Variants in CCDC171 observed in about 807,000 individuals in gnomAD.
CCDC171 encodes coiled-coil domain containing 171.
In CCDC171, 177 loss-of-function variants were observed where a neutral mutation model predicts 168.2. The ratio of observed to expected loss-of-function variants is 1.05; its 90% confidence interval spans 0.93 to 1.19. The LOEUF is 1.19. CCDC171 is among the 50% of genes most tolerant of loss of function. The pLI is 0.00. For missense variants in CCDC171, 1,991 were observed against 1,539.0 expected, an observed-to-expected ratio of 1.29 and a Z score of -4.91; for synonymous variants, 687 against 540.8, an observed-to-expected ratio of 1.27 and a Z score of -3.75.
intron 24 of CCDC171, among the ~76,000 whole-genome samples, chr9:15,897,326 C>T (rs1821039906): frequency 6.6e-6 from 1 of 151,838 alleles, no homozygotes; most frequent in Non-Finnish European, 1.5e-5. Flanking sequence ...AGATGATTTG[C>T]TATAATTTCT....
intron 18 of CCDC171, among the ~76,000 whole-genome samples, chr9:15,746,976 G>A (rs929712138): frequency 3.3e-5 from 5 of 152,204 alleles, no homozygotes; most frequent in Non-Finnish European, 7.4e-5. Flanking sequence ...CGGGTCCCAT[G>A]CCCACAGAGC....
chr9:15,819,315 A>G lies in CCDC171; in HGVS notation c.3268-27387A>G, dbSNP rs2059677296. On this transcript the variant is annotated intron_variant, in intron 21 of 25. Coordinates refer to ENST00000380701, the MANE Select transcript of CCDC171 (RefSeq NM_173550.4). ...GAGCAAAATAACCAGCTAACATCAT[A>G]ATGACAGGATCAGATTCACACATAA... is the stretch of plus-strand genomic sequence containing the variant. Among the ~76,000 whole-genome samples the G allele has an allele frequency of 1.7e-5, 2 of 117,564 alleles. 1 individual carries two copies. Among genetic ancestry groups the G allele is most frequent in the Non-Finnish European group, 3.8e-5 (2 of 52,416 alleles). The allele number at this position is 117,564 out of a possible 152,430, so 77.1% of individuals were successfully genotyped here. A position where few individuals can be genotyped will look rare whatever the true frequency, so the allele number is the denominator to read the frequency against.
At chr9:15,642,492 G>A (rs1172185818) in intron 7 of CCDC171, among the ~76,000 whole-genome samples, 1 of 151,068 alleles carries the variant, frequency 6.6e-6, no homozygotes, top group Non-Finnish European at 1.5e-5. Context: ...TCTCCTAGGT[G>A]GTATTGGAAA....
intron 24 of CCDC171, among the ~76,000 whole-genome samples, chr9:15,879,999 A>T (rs1818401885): frequency 6.6e-6 from 1 of 152,178 alleles, no homozygotes; most frequent in Admixed American, 6.6e-5. Flanking sequence ...TGATAATAGA[A>T]GAAAGTTTTT....
chr9:15,872,516 G>A lies in CCDC171; in HGVS notation c.3469-2016G>A, dbSNP rs142742685. Among the ~76,000 whole-genome samples, 319 of 151,948 alleles carry A rather than the reference G, an allele frequency of 2.1e-3. 2 individuals are homozygous for A. The highest frequency in any genetic ancestry group is 6.1e-3 in the African/African-American group (255 of 41,494). On this transcript the variant is annotated intron_variant, in intron 23 of 25. Transcript: ENST00000380701. Reference sequence around the variant, plus strand: ...TGGTTTTTTTCCCCTCTCTTTGCCCGTATTAGCAATCTGCTTTTGTACTTT... The same window carrying A: ...TGGTTTTTTTCCCCTCTCTTTGCCCATATTAGCAATCTGCTTTTGTACTTT...
intron 21 of CCDC171, chr9:15,845,711 C>G (rs998911652): frequency 6.6e-6 from 1 of 151,962 alleles, no homozygotes; most frequent in Admixed American, 6.6e-5. Context: ...TGTATGCACT[C>G]AATTATTTAG....
chr9:15,827,408 C>T (rs1218392307), intron 21 of CCDC171, among the ~76,000 whole-genome samples: 3 of 152,106 alleles, frequency 2.0e-5, no homozygotes, highest in Non-Finnish European at 4.4e-5. Flanking sequence ...TAGACCATTA[C>T]TCCTCTTTTC....
intron 21 of CCDC171, among the ~76,000 whole-genome samples, chr9:15,794,332 G>C (rs528031249): frequency 6.6e-6 from 1 of 152,142 alleles, no homozygotes; most frequent in African/African-American, 2.4e-5. Context: ...AGGCATGTTG[G>C]TGGGCACCTG....
chr9:15,752,464 C>T (rs908676549), intron 18 of CCDC171, among the ~76,000 whole-genome samples: 4 of 151,682 alleles, frequency 2.6e-5, no homozygotes, highest in South Asian at 4.2e-4. Flanking sequence ...ATGTTTATTG[C>T]GGCACCATAG....
chr9:16,056,208 A>G (rs1026271827), intron 1 of CCDC171, among the ~76,000 whole-genome samples: 1 of 152,172 alleles, frequency 6.6e-6, no homozygotes, highest in East Asian at 1.9e-4. Flanking sequence ...CCCTGATTTT[A>G]TATATTTTCC....
chr9:15,657,206 C>G lies in CCDC171; in HGVS notation c.902C>G (p.Ser301Cys), dbSNP rs945988387. 1.9e-6 allele frequency: 3 copies of G among 1,602,016 alleles called. No individual in the cohort carries two copies. The highest frequency in any genetic ancestry group is 2.7e-5 in the African/African-American group (2 of 74,670). ...RAAHLESKFNSEIIQLRIRDL... is the reference protein window; with the variant it reads ...RAAHLESKFNCEIIQLRIRDL... ...GCGCATTTGGAATCAAAATTTAATT[C>G]TGAAATTATTCAGGTAAAATGTAAA... The change falls in exon 8 of 26, where the codon TCT (serine) becomes TGT (cysteine). Residue 301 changes from serine to cysteine, a missense_variant. Coordinates refer to ENST00000380701, the MANE Select transcript of CCDC171 (RefSeq NM_173550.4).
Position 16,052,498 on chromosome 9 carries a change from C to T in CCDC171, n.90-8148C>T, listed in dbSNP as rs1833766062. Among the ~76,000 whole-genome samples the T allele has an allele frequency of 2.0e-5, 3 of 152,182 alleles. No homozygotes were observed. The South Asian group carries it at 6.2e-4, about 32-fold the overall frequency. Reference sequence around the variant, plus strand: ...CTTATGCCACACAAACTTCTCTTCACACTGGAAATGAGGAAACTGAGGCCT... The same window carrying T: ...CTTATGCCACACAAACTTCTCTTCATACTGGAAATGAGGAAACTGAGGCCT... On this transcript the variant is annotated intron_variant and non_coding_transcript_variant, in intron 1 of 1. Transcript: ENST00000478913.
the CCDC171 span, among the ~76,000 whole-genome samples, chr9:16,068,356 C>G: frequency 5.3e-4 from 80 of 152,190 alleles, no homozygotes; most frequent in African/African-American, 1.9e-3. Flanking sequence ...TAGGAAGAAT[C>G]AATATCGTGA....
At chr9:15,777,509 T>TA in intron 18 of CCDC171, 91 bp from the exon 19 acceptor site, 1 of 681,200 alleles carries the variant, frequency 1.5e-6, no homozygotes, top group Non-Finnish European at 2.4e-6. Flanking sequence ...ATTATATAAT[T>TA]AAAAAATATT....
chr9:15,955,035 TTGAATAGAATAATA>T (rs1829646539), intron 25 of CCDC171, among the ~76,000 whole-genome samples: 1 of 152,146 alleles, frequency 6.6e-6, no homozygotes, highest in Non-Finnish European at 1.5e-5. Context: ...AACTGAACAT[TTGAATAGAATAATA>T]TAGTAACTCT....
intron 11 of CCDC171, among the ~76,000 whole-genome samples, chr9:15,703,642 A>AT (rs1460189700): frequency 2.6e-5 from 4 of 152,342 alleles, no homozygotes; most frequent in Non-Finnish European, 4.4e-5. Context: ...CACTTAAAAT[A>AT]TCCCTTTATC....
At chr9:15,751,379 C>G (rs1245581983) in intron 18 of CCDC171, among the ~76,000 whole-genome samples, 1 of 152,164 alleles carries the variant, frequency 6.6e-6, no homozygotes, top group African/African-American at 2.4e-5. Context: ...CAGTGCTATC[C>G]TCATCAAGCT....
intron 6 of CCDC171, among the ~76,000 whole-genome samples, chr9:15,606,799 CAA>C (rs2043260993): frequency 6.6e-6 from 1 of 152,084 alleles, no homozygotes; most frequent in Admixed American, 6.5e-5. Flanking sequence ...AATGTCAGTT[CAA>C]AAACAAGCCT....
At chr9:15,570,004 C>G (rs925497407) in intron 2 of CCDC171, among the ~76,000 whole-genome samples, 1 of 151,228 alleles carries the variant, frequency 6.6e-6, no homozygotes, top group African/African-American at 2.4e-5. Context: ...GAGTTTTGCT[C>G]TTGTTGCCCA....
Sources: allele counts gnomAD v4.1 joint callset (sites outside exome capture counted in the v4.1 genomes callset), GRCh38; gene constraint gnomAD v4.1.1; transcripts MANE v1.5; gene names NCBI Gene and HGNC (gene_info 2026-07-23, HGNC 2026-07-21).